Variants in FAM107B observed in about 807,000 individuals in gnomAD.
FAM107B encodes the protein protein FAM107B.
In FAM107B, 21 loss-of-function variants were observed where a neutral mutation model predicts 31.5. That is an observed-to-expected ratio of 0.67 (90% CI 0.47 to 0.96). FAM107B has a LOEUF of 0.96. Ranked by LOEUF, FAM107B falls within the 40% of genes least tolerant of loss-of-function variation. The probability of loss-of-function intolerance (pLI) is 0.00; values close to 1 mark genes in which losing one functional copy is unlikely to be tolerated. For synonymous variants in FAM107B, 157 were observed against 141.5 expected (o/e 1.11, Z -0.78); for missense variants, 452 against 377.1 (o/e 1.20, Z -1.64).
Position 14,765,202 on chromosome 10 carries a change from G to T in FAM107B, c.411+9051C>A, listed in dbSNP as rs747377343. 3.3e-5 allele frequency among the ~76,000 whole-genome samples: 5 copies of T among 152,066 alleles called. No individual in the cohort carries two copies. In the East Asian group the frequency reaches 7.7e-4, roughly 23 times the overall value. On this transcript the variant is annotated intron_variant, in intron 1 of 4. Coordinates refer to ENST00000181796, the MANE Select transcript of FAM107B (RefSeq NM_031453.4). ...ATGGTAACCTCACTTGAAAATAAAC[G>T]GTGCTTTAAAATTTGGTTAAATTAT...
chr10:14,763,564 C>T (rs897355768), intron 1 of FAM107B, among the ~76,000 whole-genome samples: 3 of 152,312 alleles, frequency 2.0e-5, no homozygotes, highest in African/African-American at 4.8e-5. Context: ...CCTATAGAGA[C>T]GCAAGTCTTA....
At chr10:14,663,887 CAAAAAAAAAAAAA>C (rs3035297) in intron 2 of FAM107B, among the ~76,000 whole-genome samples, 18 of 80,388 alleles carry the variant, frequency 2.2e-4, no homozygotes, top group African/African-American at 9.2e-4. Flanking sequence ...GATCATCAGC[CAAAAAAAAAAAAA>C]AAAAAAAAAA....
chr10:14,647,402 G>T (rs1008070044), intron 2 of FAM107B, among the ~76,000 whole-genome samples: 1 of 152,046 alleles, frequency 6.6e-6, no homozygotes, highest in Admixed American at 6.6e-5. Flanking sequence ...ATTCAGTCTG[G>T]GTGCAGTGGC....
At chr10:14,665,096 A>G (rs1179387662) in intron 2 of FAM107B, among the ~76,000 whole-genome samples, 1 of 152,212 alleles carries the variant, frequency 6.6e-6, no homozygotes, top group East Asian at 1.9e-4. Flanking sequence ...CAGCATTTTT[A>G]GGTGTTTTTG....
At chr10:14,648,524 T>C (rs192960196) in intron 2 of FAM107B, among the ~76,000 whole-genome samples, 45 of 152,278 alleles carry the variant, frequency 3.0e-4, no homozygotes, top group African/African-American at 1.1e-3. Context: ...GACGTCATGG[T>C]AACACTGGGA....
chr10:14,540,486 G>C (rs1467855553), intron 2 of FAM107B, among the ~76,000 whole-genome samples: 2 of 152,188 alleles, frequency 1.3e-5, no homozygotes, highest in African/African-American at 4.8e-5. Flanking sequence ...TCCTGGGTCT[G>C]GGGCTGGTAT....
intron 1 of FAM107B, among the ~76,000 whole-genome samples, chr10:14,707,050 G>A (rs2688832): frequency 0.018 from 2,736 of 152,104 alleles, 106 homozygotes; most frequent in African/African-American, 0.064. Flanking sequence ...GCTTGAACCC[G>A]GGAAGGCGGA....
At chr10:14,555,041 C>T (rs1246595681) in intron 2 of FAM107B, among the ~76,000 whole-genome samples, 1 of 152,222 alleles carries the variant, frequency 6.6e-6, no homozygotes, top group Non-Finnish European at 1.5e-5. Context: ...GTACACAACA[C>T]TGCCTGCTCA....
chr10:14,560,010 A>G (rs1850099519), intron 2 of FAM107B, among the ~76,000 whole-genome samples: 1 of 152,166 alleles, frequency 6.6e-6, no homozygotes, highest in Admixed American at 6.5e-5. Context: ...TAACAAACGC[A>G]CAACCCTTGC....
chr10:14,745,498 G>C (rs1294892937), intron 1 of FAM107B, among the ~76,000 whole-genome samples: 1 of 152,038 alleles, frequency 6.6e-6, no homozygotes, highest in Non-Finnish European at 1.5e-5. Flanking sequence ...CTGGTATATT[G>C]TCTTTTTGTT....
chr10:14,749,791 G>A (rs1832792892), intron 1 of FAM107B, among the ~76,000 whole-genome samples: 1 of 152,216 alleles, frequency 6.6e-6, no homozygotes, highest in African/African-American at 2.4e-5. Flanking sequence ...TGTCTTTTGA[G>A]AAAAGGCACA....
chr10:14,753,102 G>A (rs1832862237), intron 1 of FAM107B, among the ~76,000 whole-genome samples: 1 of 152,068 alleles, frequency 6.6e-6, no homozygotes, highest in South Asian at 2.1e-4. Context: ...GCTATTTATG[G>A]CATTACCAAA....
At chr10:14,571,431 A>G (rs983978461) in intron 2 of FAM107B, among the ~76,000 whole-genome samples, 11 of 152,230 alleles carry the variant, frequency 7.2e-5, no homozygotes, top group Admixed American at 5.9e-4. Flanking sequence ...AGCATGGATA[A>G]AATAATGCAG....
At chr10:14,725,853 T>C (rs1241377602) in intron 1 of FAM107B, among the ~76,000 whole-genome samples, 1 of 114,600 alleles carries the variant, frequency 8.7e-6, no homozygotes, top group Non-Finnish European at 1.7e-5. Context: ...GGAAATGGAG[T>C]CTTGCTCTGT....
chr10:14,567,650 A>G (rs1289887620), intron 2 of FAM107B, among the ~76,000 whole-genome samples: 1 of 152,182 alleles, frequency 6.6e-6, no homozygotes, highest in Non-Finnish European at 1.5e-5. Flanking sequence ...TGCGTTGACA[A>G]GCGCATCGCT....
At chr10:14,732,537 G>T (rs1043321341) in intron 1 of FAM107B, among the ~76,000 whole-genome samples, 1 of 152,064 alleles carries the variant, frequency 6.6e-6, no homozygotes, top group Admixed American at 6.6e-5. Context: ...GCAAATGTAT[G>T]TAAAAGTATT....
rs193098221 is a variant in FAM107B, at chr10:14,635,986, G to C, written c.469+31648C>G. Among the ~76,000 whole-genome samples, 156 of 152,248 alleles carry C rather than the reference G, an allele frequency of 1.0e-3. 3 individuals are homozygous for C. In the East Asian group the frequency reaches 0.022, roughly 22 times the overall value. On this transcript the variant is annotated intron_variant, in intron 2 of 4. Transcript: ENST00000181796. The stretch of plus-strand genomic sequence containing the variant: ...TAAATGATAGCTCCTGTGGAGCCAG[G>C]TGCACAATGAATTCAGTAGTCTTTA...
chr10:14,543,530 C>G (rs183800274), intron 2 of FAM107B, among the ~76,000 whole-genome samples: 142 of 152,064 alleles, frequency 9.3e-4, no homozygotes, highest in African/African-American at 3.3e-3. Context: ...CCAGGCCAAA[C>G]GAGAGACCAC....
chr10:14,747,571 G>T (rs56154459), intron 1 of FAM107B, among the ~76,000 whole-genome samples: 3 of 152,078 alleles, frequency 2.0e-5, no homozygotes, highest in African/African-American at 7.2e-5. Flanking sequence ...GCTGCAGTTT[G>T]CTGGGGGTCC....
Sources: allele counts gnomAD v4.1 joint callset (sites outside exome capture counted in the v4.1 genomes callset), GRCh38; gene constraint gnomAD v4.1.1; transcripts MANE v1.5; gene names NCBI Gene and HGNC (gene_info 2026-07-23, HGNC 2026-07-21).